Variants in PDE3A observed in about 807,000 individuals in gnomAD.
PDE3A encodes cGMP-inhibited 3',5'-cyclic phosphodiesterase 3A.
Under a neutral mutation model 98.3 loss-of-function variants are expected in PDE3A, and 43 were observed. That is an observed-to-expected ratio of 0.44 (90% CI 0.34 to 0.56). The LOEUF is 0.56. Among genes scored for constraint, PDE3A ranks in the 20% least tolerant of loss-of-function variants. The pLI, the probability that PDE3A is intolerant of heterozygous loss-of-function variation, is 0.01. For synonymous variants in PDE3A, 663 were observed against 567.9 expected, an observed-to-expected ratio of 1.17 and a Z score of -2.38; for missense variants, 1,427 against 1,440.7, an observed-to-expected ratio of 0.99 and a Z score of 0.15.
At chr12:20,538,336 A>G (rs769198393) in intron 1 of PDE3A, among the ~76,000 whole-genome samples, 1 of 152,076 alleles carries the variant, frequency 6.6e-6, no homozygotes, top group East Asian at 1.9e-4. Flanking sequence ...CTAGAATCCT[A>G]TATTGCTTCT....
In PDE3A at chr12:20,369,446, G is replaced by A. The variant is rs1260443974; in HGVS notation, c.162G>A (p.Pro54=). 6 of 1,555,326 alleles carry A rather than the reference G, an allele frequency of 3.9e-6. No individual in the cohort carries two copies. The highest frequency in any genetic ancestry group is 3.6e-5 in the South Asian group (3 of 84,402). Residue 54 remains proline, a synonymous_variant, in exon 1 of 16, where the codon CCG becomes CCA. Coordinates refer to ENST00000359062, the MANE Select transcript of PDE3A (RefSeq NM_000921.5). Reference sequence around the variant, plus strand: ...GCTGGGGAGACCTGGTGCTGCAGCCGCTCCGGAGCTCTCGGAAACTTTCCT... The same window carrying A: ...GCTGGGGAGACCTGGTGCTGCAGCCACTCCGGAGCTCTCGGAAACTTTCCT... ...RGCWGDLVLQ[P]LRSSRKLSSA...
At chr12:20,431,010 G>A (rs1944687432) in intron 1 of PDE3A, among the ~76,000 whole-genome samples, 1 of 152,032 alleles carries the variant, frequency 6.6e-6, no homozygotes, top group Non-Finnish European at 1.5e-5. Context: ...TGGTTTTTTG[G>A]AAGATTTTTA....
At chr12:20,651,722 A>C (rs1944921473) in intron 14 of PDE3A, among the ~76,000 whole-genome samples, 1 of 151,906 alleles carries the variant, frequency 6.6e-6, no homozygotes, top group Non-Finnish European at 1.5e-5. Context: ...GATTAGAATG[A>C]AATTTTATGG....
At chr12:20,533,627 GCCACCA>G (rs1409281882) in intron 1 of PDE3A, among the ~76,000 whole-genome samples, 1 of 151,230 alleles carries the variant, frequency 6.6e-6, no homozygotes, top group Admixed American at 6.6e-5. Flanking sequence ...GAGTACAGGC[GCCACCA>G]CCACACCCAG....
At chr12:20,658,182 T>G (rs1012565185) in intron 15 of PDE3A, among the ~76,000 whole-genome samples, 2 of 152,224 alleles carry the variant, frequency 1.3e-5, no homozygotes, top group African/African-American at 4.8e-5. Context: ...AATTCAAATT[T>G]ATTTAAATTT....
At chr12:20,415,731 C>T (rs989836079) in intron 1 of PDE3A, among the ~76,000 whole-genome samples, 1 of 152,154 alleles carries the variant, frequency 6.6e-6, no homozygotes, top group Non-Finnish European at 1.5e-5. Flanking sequence ...GCCACCATGC[C>T]CGGCTGGCCT....
At chr12:20,371,466 C>A in intron 1 of PDE3A, 1 of 981,152 alleles carries the variant, frequency 1.0e-6, no homozygotes, top group Non-Finnish European at 1.2e-6. Context: ...AGAGAATATC[C>A]TAAGATAAAG....
chr12:20,489,551 C>G (rs1945794252), intron 1 of PDE3A, among the ~76,000 whole-genome samples: 2 of 152,300 alleles, frequency 1.3e-5, no homozygotes, highest in Non-Finnish European at 2.9e-5. Flanking sequence ...AAAATCAGTA[C>G]ATGGCTATCA....
intron 1 of PDE3A, among the ~76,000 whole-genome samples, chr12:20,502,388 G>A (rs1006464631): frequency 2.0e-5 from 3 of 152,104 alleles, no homozygotes; most frequent in East Asian, 1.9e-4. Flanking sequence ...ATGAATCCCC[G>A]CTACCTAGAA....
At chr12:20,375,161 A>G (rs1450054769) in intron 1 of PDE3A, among the ~76,000 whole-genome samples, 1 of 151,978 alleles carries the variant, frequency 6.6e-6, no homozygotes, top group Non-Finnish European at 1.5e-5. Context: ...CATGTGTTTA[A>G]TGAACCTCTG....
chr12:20,369,095 T>C lies in PDE3A; in HGVS notation c.-190T>C. On this transcript the variant is annotated 5_prime_UTR_variant, in exon 1 of 16. Transcript: ENST00000359062. ...AGAAGTCTCATTGGAGCATCTAGCA[T>C]TCTCCAGGAGTTATTCGAAAGCTGA... 1 of 517,490 alleles carries C rather than the reference T, an allele frequency of 1.9e-6. No individual in the cohort carries two copies. The allele number at this position is 517,490 out of a possible 1,614,324, so 32.1% of individuals were successfully genotyped here. A position where few individuals can be genotyped will look rare whatever the true frequency, so the allele number is the denominator to read the frequency against.
chr12:20,554,550 T>A (rs1160191393), intron 1 of PDE3A, among the ~76,000 whole-genome samples: 1 of 151,748 alleles, frequency 6.6e-6, no homozygotes, highest in Non-Finnish European at 1.5e-5. Context: ...TTTAATTATT[T>A]TTTACCCTCA....
intron 1 of PDE3A, among the ~76,000 whole-genome samples, chr12:20,377,116 G>A (rs938696627): frequency 2.6e-5 from 4 of 151,740 alleles, no homozygotes; most frequent in Admixed American, 6.6e-5. Flanking sequence ...TATGATTTGT[G>A]TGTGTGCATG....
Position 20,369,221 on chromosome 12 carries a change from G to C in PDE3A, c.-64G>C, listed in dbSNP as rs1003142706. 5.1e-4 allele frequency: 644 copies of C among 1,257,150 alleles called. No individual in the cohort carries two copies. The highest frequency in any genetic ancestry group is 6.7e-4 in the Non-Finnish European group (621 of 924,704). The allele number at this position is 1,257,150 out of a possible 1,614,324, so 77.9% of individuals were successfully genotyped here. ...TGTGTGTGTGTGTGTGCGCGCGCGC[G>C]CGTGGGTCGGGGCGGGGGCGTCGGG... is the stretch of plus-strand genomic sequence containing the variant. On this transcript the variant is annotated 5_prime_UTR_variant, in exon 1 of 16. Transcript: ENST00000359062.
In PDE3A at chr12:20,621,605, A is replaced by G. The variant is rs10734705; in HGVS notation, c.1540+194A>G. On this transcript the variant is annotated intron_variant, in intron 5 of 15. Coordinates refer to ENST00000359062, the MANE Select transcript of PDE3A (RefSeq NM_000921.5). ...TATTTAAATTTCTACCTTATGTGAT[A>G]ATACAGATTCCTTCAAAGTTGTTGT... Among the ~76,000 whole-genome samples the G allele has an allele frequency of 0.98, 149,429 of 152,204 alleles. 73,409 individuals carry two copies. The highest frequency in any genetic ancestry group is 1 in the East Asian group (5,162 of 5,162).
chr12:20,527,537 C>G (rs894400907), intron 1 of PDE3A, among the ~76,000 whole-genome samples: 18 of 152,166 alleles, frequency 1.2e-4, no homozygotes, highest in Non-Finnish European at 1.8e-4. Context: ...TCCCAACCTA[C>G]ATTTCTTGGC....
In PDE3A at chr12:20,633,734, C is replaced by A; in HGVS notation, c.1802C>A (p.Pro601His). 22 of 1,610,910 alleles carry A rather than the reference C, an allele frequency of 1.4e-5. No homozygotes were observed. Among genetic ancestry groups the A allele is most frequent in the Non-Finnish European group, 1.9e-5 (22 of 1,178,330 alleles). Residue 601 changes from proline (P) to histidine (H), a missense_variant, in exon 7 of 16, where the codon CCC (proline) becomes CAC (histidine). Pro to His is a moderately conservative substitution (Grantham distance 77, BLOSUM62 -2). Around this residue, in one of 3 missense-constraint regions of PDE3A, gnomAD observed 1,012 missense variants for 886.5 expected, o/e 1.14. Transcript: ENST00000359062. ...PYSQGNPADE[P>H]LERSGVATRT... ...TCCCAAGGGAATCCTGCTGATGAGC[C>A]CCTGGAGAGAAGTGGGGTAGCCACT...
chr12:20,370,179 G>T lies in PDE3A; in HGVS notation c.895G>T (p.Glu299Ter). 1 of 1,611,524 alleles carries T rather than the reference G, an allele frequency of 6.2e-7. No homozygotes were observed. The highest frequency in any genetic ancestry group is 8.5e-7 in the Non-Finnish European group (1 of 1,179,024). ...GCGGTCCAGCTCCGTCGTGTCCGCC[G>T]AGATGTCCGGCTGCAGCAGCAAGTC... is the stretch of plus-strand genomic sequence containing the variant. ...RRRSSSVVSA[E>*]MSGCSSKSHR... is the part of the protein sequence containing the mutation. Residue 299 changes from glutamate (E) to a stop codon, truncating the protein, a stop_gained, in exon 1 of 16, where the codon GAG becomes TAG. Transcript: ENST00000359062. LOFTEE classifies it high-confidence loss of function.
intron 9 of PDE3A, among the ~76,000 whole-genome samples, chr12:20,639,483 A>G (rs1261436982): frequency 6.6e-6 from 1 of 152,120 alleles, no homozygotes; most frequent in Non-Finnish European, 1.5e-5. Flanking sequence ...TATAAGAACA[A>G]AAATCATGAA....
Sources: allele counts gnomAD v4.1 joint callset (sites outside exome capture counted in the v4.1 genomes callset), GRCh38; gene constraint gnomAD v4.1.1; regional missense constraint gnomAD v4.1.1; transcripts MANE v1.5; gene names NCBI Gene and HGNC (gene_info 2026-07-23, HGNC 2026-07-21).